Variants in KCND2 observed in about 807,000 individuals in gnomAD.
KCND2 encodes the protein A-type voltage-gated potassium channel KCND2.
In KCND2, 16 loss-of-function variants were observed where a neutral mutation model predicts 54.4. That is an observed-to-expected ratio of 0.29 (90% CI 0.20 to 0.45). KCND2 has a LOEUF of 0.45. KCND2 is among the 20% of genes least tolerant of loss of function. The pLI is 1.00. For missense variants in KCND2, 486 were observed against 824.2 expected (o/e 0.59, Z 5.02); for synonymous variants, 317 against 310.7 (o/e 1.02, Z -0.21).
At chr7:120,531,153 AAT>A (rs1389382767) in intron 1 of KCND2, among the ~76,000 whole-genome samples, 1 of 152,038 alleles carries the variant, frequency 6.6e-6, no homozygotes, top group Non-Finnish European at 1.5e-5. Context: ...TTCTCTAGTC[AAT>A]TCACACTTCT....
intron 1 of KCND2, among the ~76,000 whole-genome samples, chr7:120,313,495 A>G (rs965877848): frequency 6.6e-6 from 1 of 152,170 alleles, no homozygotes; most frequent in Non-Finnish European, 1.5e-5. Context: ...TTTTAAACAT[A>G]GAAAGCATAG....
At chr7:120,304,486 A>G (rs1486591954) in intron 1 of KCND2, among the ~76,000 whole-genome samples, 3 of 152,158 alleles carry the variant, frequency 2.0e-5, no homozygotes, top group South Asian at 2.1e-4. Context: ...ATTGGCATCA[A>G]TCACCTGGGA....
chr7:120,350,048 T>C (rs1485163171), intron 1 of KCND2, among the ~76,000 whole-genome samples: 2 of 152,112 alleles, frequency 1.3e-5, no homozygotes, highest in Non-Finnish European at 2.9e-5. Context: ...TTATATAACA[T>C]AAAGAATGTT....
chr7:120,494,907 C>T (rs1272806535), intron 1 of KCND2, among the ~76,000 whole-genome samples: 2 of 152,054 alleles, frequency 1.3e-5, no homozygotes, highest in East Asian at 1.9e-4. Context: ...GAAGCTTGAC[C>T]CATAATTGTG....
intron 1 of KCND2, among the ~76,000 whole-genome samples, chr7:120,346,513 G>C (rs140119298): frequency 0.011 from 1,615 of 152,172 alleles, 13 homozygotes; most frequent in Non-Finnish European, 0.016. Flanking sequence ...CATAAGCCCA[G>C]GACAGATTTT....
chr7:120,668,018 A>T (rs779649169), intron 1 of KCND2, among the ~76,000 whole-genome samples: 6 of 152,108 alleles, frequency 3.9e-5, no homozygotes, highest in Non-Finnish European at 7.4e-5. Flanking sequence ...ATACCTGAGT[A>T]ACTCAGAGGA....
intron 1 of KCND2, among the ~76,000 whole-genome samples, chr7:120,410,889 T>C (rs1174207591): frequency 6.6e-6 from 1 of 151,988 alleles, no homozygotes; most frequent in Non-Finnish European, 1.5e-5. Context: ...TCCTTTTTTA[T>C]GGCTGCATAG....
intron 1 of KCND2, among the ~76,000 whole-genome samples, chr7:120,680,579 C>G (rs1336816447): frequency 6.6e-6 from 1 of 152,126 alleles, no homozygotes; most frequent in Non-Finnish European, 1.5e-5. Context: ...GCGAGGCCTT[C>G]TCCAGCCACC....
intron 1 of KCND2, among the ~76,000 whole-genome samples, chr7:120,373,271 A>C (rs1800787904): frequency 6.6e-6 from 1 of 151,854 alleles, no homozygotes; most frequent in African/African-American, 2.4e-5. Context: ...AAGGTAGTAG[A>C]ATACAATAAT....
chr7:120,504,702 G>A, intron 1 of KCND2, among the ~76,000 whole-genome samples: 1 of 151,616 alleles, frequency 6.6e-6, no homozygotes, highest in East Asian at 1.9e-4. Context: ...AGGATTAGAG[G>A]GTGGCTCTAT....
At chr7:120,715,243 A>T (rs570634171) in intron 1 of KCND2, among the ~76,000 whole-genome samples, 3 of 152,130 alleles carry the variant, frequency 2.0e-5, no homozygotes, top group Admixed American at 6.6e-5. Flanking sequence ...CTTTTTAGAA[A>T]TGTTAAGATT....
chr7:120,285,774 G>A (rs1799332892), intron 1 of KCND2, among the ~76,000 whole-genome samples: 1 of 151,726 alleles, frequency 6.6e-6, no homozygotes, highest in Non-Finnish European at 1.5e-5. Flanking sequence ...TTAATTTGAT[G>A]CAAAATCTCA....
intron 1 of KCND2, among the ~76,000 whole-genome samples, chr7:120,674,603 A>G (rs554560812): frequency 2.5e-4 from 38 of 152,340 alleles, no homozygotes; most frequent in African/African-American, 8.4e-4. Context: ...GAATTTTCTT[A>G]GATAAATATT....
chr7:120,641,961 C>G (rs902317049), intron 1 of KCND2, among the ~76,000 whole-genome samples: 4 of 151,918 alleles, frequency 2.6e-5, no homozygotes, highest in African/African-American at 9.7e-5. Flanking sequence ...GCTCTAAGAA[C>G]TTCTCTGTTC....
chr7:120,284,636 G>A (rs769188353), intron 1 of KCND2, among the ~76,000 whole-genome samples: 4 of 152,074 alleles, frequency 2.6e-5, no homozygotes, highest in Non-Finnish European at 4.4e-5. Flanking sequence ...TGCTAGGCTC[G>A]TTAGAAATCA....
At chr7:120,726,749 T>A (rs1792738396) in intron 1 of KCND2, among the ~76,000 whole-genome samples, 1 of 152,202 alleles carries the variant, frequency 6.6e-6, no homozygotes. Flanking sequence ...GTAGTTGAAA[T>A]GCAGCATTTT....
chr7:120,720,786 C>A (rs1034253224), intron 1 of KCND2, among the ~76,000 whole-genome samples: 1 of 152,116 alleles, frequency 6.6e-6, no homozygotes, highest in Non-Finnish European at 1.5e-5. Flanking sequence ...CCTGGGTTAT[C>A]TTATGGGATG....
At position 120,641,348 on chromosome 7, in the gene KCND2, A is replaced by G. The variant is rs1045895813; in HGVS notation, c.1116-91555A>G. Among the ~76,000 whole-genome samples the G allele has an allele frequency of 3.9e-5, 6 of 152,102 alleles. No homozygotes were observed. In the South Asian group the frequency reaches 8.3e-4, roughly 21 times the overall value. ...GAATGGCTATTTTAAAAGGCCCTGT[A>G]CCCCTCTAGTGTCCCTGGAGACAGG... On this transcript the variant is annotated intron_variant, in intron 1 of 5. Transcript: ENST00000331113.
At chr7:120,566,696 C>G (rs1179108222) in intron 1 of KCND2, among the ~76,000 whole-genome samples, 2 of 151,776 alleles carry the variant, frequency 1.3e-5, no homozygotes, top group African/African-American at 4.8e-5. Context: ...CGCTAAGGCT[C>G]AGAACAGTTA....
Sources: gnomAD v4.1 joint callset for allele counts (sites outside exome capture counted in the v4.1 genomes callset) on GRCh38, gnomAD v4.1.1 for gene constraint, MANE v1.5 for transcripts, NCBI Gene and HGNC (gene_info 2026-07-23, HGNC 2026-07-21) for gene names.